The following MYO18B variants were observed in gnomAD, a reference collection of about 807,000 sequenced individuals.
MYO18B encodes the protein unconventional myosin-XVIIIb.
In MYO18B, 204 loss-of-function variants were observed where a neutral mutation model predicts 273.0. That is an observed-to-expected ratio of 0.75 (90% CI 0.67 to 0.84). MYO18B has a LOEUF of 0.84. MYO18B is among the 40% of genes least tolerant of loss of function. The pLI, the probability that MYO18B is intolerant of heterozygous loss-of-function variation, is 0.00. For missense variants in MYO18B, 3,212 were observed against 3,287.6 expected (o/e 0.98, Z 0.56); for synonymous variants, 1,330 against 1,305.7 (o/e 1.02, Z -0.40).
chr22:25,960,688 C>A (rs1322649140), intron 39 of MYO18B, among the ~76,000 whole-genome samples: 1 of 152,162 alleles, frequency 6.6e-6, no homozygotes, highest in Non-Finnish European at 1.5e-5. Context: ...TTCACCCCTC[C>A]TGACCCATTT....
intron 21 of MYO18B, among the ~76,000 whole-genome samples, chr22:25,856,132 T>A (rs553406931): frequency 1.3e-5 from 2 of 152,370 alleles, no homozygotes; most frequent in South Asian, 4.1e-4. Context: ...TTATAGCAGC[T>A]GTACCATTTT....
chr22:25,803,376 T>C (rs563307599), intron 12 of MYO18B, among the ~76,000 whole-genome samples: 3 of 152,138 alleles, frequency 2.0e-5, no homozygotes, highest in Non-Finnish European at 4.4e-5. Context: ...CATATGGATA[T>C]ACCACATTTT....
Position 25,755,724 on chromosome 22 carries a change from C to T in MYO18B, c.-109-5260C>T, listed in dbSNP as rs111929402. 8.7e-3 allele frequency among the ~76,000 whole-genome samples: 1,322 copies of T among 152,212 alleles called. 16 individuals carry two copies. Among genetic ancestry groups the T allele is most frequent in the African/African-American group, 0.029 (1,209 of 41,522 alleles). On this transcript the variant is annotated intron_variant, in intron 1 of 43. Coordinates refer to ENST00000335473, the MANE Select transcript of MYO18B (RefSeq NM_032608.7). The stretch of plus-strand genomic sequence containing the variant: ...TCACGGGACAGCTGCTTGTTCAAAA[C>T]CAGTCTGGTACTTCCCTCCTCCCTC...
intron 35 of MYO18B, among the ~76,000 whole-genome samples, chr22:25,947,017 A>C (rs1224198159): frequency 6.6e-6 from 1 of 152,032 alleles, no homozygotes. Flanking sequence ...TAAAACACTA[A>C]AGTTTAGGTA....
In MYO18B at chr22:25,763,369, G is replaced by C. The variant is rs1568980856; in HGVS notation, c.178G>C (p.Val60Leu). ...KEARQRKQLA[V>L]ASPEREIPEI... ...AGCGAGACAGAGGAAGCAGTTAGCT[G>C]TCGCCTCTCCAGAACGAGAGGTAAG... Residue 60 changes from valine (V) to leucine (L), a missense_variant, in exon 3 of 44, where the codon GTC (valine) becomes CTC (leucine). Transcript: ENST00000335473. The C allele has an allele frequency of 1.9e-6, 3 of 1,611,488 alleles. No homozygotes were observed. Among genetic ancestry groups the C allele is most frequent in the Non-Finnish European group, 2.5e-6 (3 of 1,179,352 alleles).
chr22:25,903,872 C>A, intron 31 of MYO18B, 41 bp downstream of exon 31: 2 of 1,554,316 alleles, frequency 1.3e-6, no homozygotes, highest in South Asian at 2.4e-5. Context: ...TGTCCCATGT[C>A]TCCAATGCAG....
chr22:25,927,109 A>C (rs1274169464), intron 34 of MYO18B, among the ~76,000 whole-genome samples: 1 of 152,180 alleles, frequency 6.6e-6, no homozygotes, highest in African/African-American at 2.4e-5. Flanking sequence ...TAACTGCACA[A>C]ATTGTACAGC....
the MYO18B span, among the ~76,000 whole-genome samples, chr22:26,058,746 A>G: frequency 2.0e-5 from 3 of 152,132 alleles, no homozygotes; most frequent in African/African-American, 7.2e-5. Context: ...ATCCCTGCAC[A>G]TACACTCACC....
At chr22:25,947,598 ATGGTC>A (rs2092729759) in intron 35 of MYO18B, 109 bp from the exon 36 acceptor site, 1 of 684,790 alleles carries the variant, frequency 1.5e-6, no homozygotes, top group African/African-American at 1.8e-5. Context: ...TTAAACATTG[ATGGTC>A]ACTCACCTCA....
chr22:25,976,924 G>A (rs2093096326), intron 39 of MYO18B, among the ~76,000 whole-genome samples: 2 of 152,172 alleles, frequency 1.3e-5, no homozygotes, highest in South Asian at 4.1e-4. Flanking sequence ...AGAGAAGTGT[G>A]TCTCTGAAGA....
chr22:25,796,594 TAA>T (rs67767641), intron 11 of MYO18B, among the ~76,000 whole-genome samples: 2 of 141,466 alleles, frequency 1.4e-5, no homozygotes, highest in Non-Finnish European at 1.5e-5. Flanking sequence ...AGACCCTGTC[TAA>T]AAAAAAAAAA....
chr22:25,769,939 C>A (rs557173646), intron 4 of MYO18B, 171 bp from the exon 5 acceptor site: 26 of 666,432 alleles, frequency 3.9e-5, no homozygotes, highest in Non-Finnish European at 7.0e-5. Context: ...CTCCACCTCC[C>A]GGGTCCGCAA....
chr22:26,034,086 G>A (rs1199316717), downstream of MYO18B, among the ~76,000 whole-genome samples: 2 of 152,144 alleles, frequency 1.3e-5, no homozygotes, highest in African/African-American at 4.8e-5. Context: ...CGTAGTAGCT[G>A]GGATTACAGG....
At chr22:25,917,545 G>GGTGTGTGTGTGTGTGTGTGT (rs3070569) in intron 33 of MYO18B, among the ~76,000 whole-genome samples, 2 of 142,246 alleles carry the variant, frequency 1.4e-5, no homozygotes, top group East Asian at 2.0e-4. Flanking sequence ...GCTTTGTAGG[G>GGTGTGTGTGTGTGTGTGTGT]GTGTGTGTGT....
chr22:26,005,347 G>A (rs1475550789), intron 42 of MYO18B, among the ~76,000 whole-genome samples: 1 of 152,110 alleles, frequency 6.6e-6, no homozygotes, highest in Non-Finnish European at 1.5e-5. Flanking sequence ...TTATCACCTG[G>A]AGATTTTAGC....
At chr22:26,030,205 T>TA (rs970159357) in intron 43 of MYO18B, among the ~76,000 whole-genome samples, 18 of 152,276 alleles carry the variant, frequency 1.2e-4, no homozygotes, top group African/African-American at 4.3e-4. Flanking sequence ...TCCCCACCTC[T>TA]ACAAGAAATA....
rs374495561 is a variant in MYO18B at position 25,831,024 on chromosome 22, G to T, written c.2980-1893G>T. 4.6e-5 allele frequency among the ~76,000 whole-genome samples: 7 copies of T among 152,288 alleles called. No individual in the cohort carries two copies. The East Asian group carries it at 5.8e-4, about 13-fold the overall frequency. On this transcript the variant is annotated intron_variant, in intron 15 of 43. Coordinates refer to ENST00000335473, the MANE Select transcript of MYO18B (RefSeq NM_032608.7). ...GCTGGAAAGTTCATATGAGTATAAA[G>T]AAACTAAAGATACAATCTCCTTTGG...
At chr22:25,903,341 C>G (rs191016522) in intron 30 of MYO18B, 1 of 370,040 alleles carries the variant, frequency 2.7e-6, no homozygotes, top group Non-Finnish European at 4.9e-6. Flanking sequence ...ACTTCCCTTA[C>G]AAATGGGGTC....
At chr22:25,951,408 T>A (rs1364753030) in intron 37 of MYO18B, among the ~76,000 whole-genome samples, 1 of 152,190 alleles carries the variant, frequency 6.6e-6, no homozygotes, top group Non-Finnish European at 1.5e-5. Flanking sequence ...GACAGACACA[T>A]GCACACACAC....
Sources: allele counts gnomAD v4.1 joint callset (sites outside exome capture counted in the v4.1 genomes callset), GRCh38; gene constraint gnomAD v4.1.1; transcripts MANE v1.5; gene names NCBI Gene and HGNC (gene_info 2026-07-23, HGNC 2026-07-21).